Variants in ORC3 observed in about 807,000 individuals in gnomAD.
ORC3 encodes the protein origin recognition complex subunit 3, also known as homolog of latheo, Drosophila.
ORC3 carries 78 observed loss-of-function variants against 100.7 expected under a neutral mutation model. The ratio of observed to expected loss-of-function variants is 0.77; its 90% CI spans 0.65 to 0.94. ORC3 has a LOEUF of 0.94. ORC3 is among the 40% of genes least tolerant of loss of function. The pLI, the probability that ORC3 is intolerant of heterozygous loss-of-function variation, is 0.00. For synonymous variants in ORC3, 295 were observed against 289.3 expected (o/e 1.02, Z -0.20); for missense variants, 789 against 823.9 (o/e 0.96, Z 0.52).
rs753563529 is a variant in ORC3, at chr6:87,663,141, C to T, written c.1830C>T (p.Leu610=). The T allele has an allele frequency of 9.9e-6, 16 of 1,608,704 alleles. No individual in the cohort carries two copies. In the South Asian group the frequency reaches 1.8e-4, roughly 18 times the overall value. The change falls in exon 17 of 20, where the codon CTC becomes CTT. Residue 610 remains leucine (L), a synonymous_variant. Transcript: ENST00000392844. ...HTALNNPYYY[L]KNEALKSEEG... is the part of the protein sequence containing the mutation. ...CACTCAACAATCCTTACTATTATCTCAAGGTAAGATGAACATTTAGTTTTC... is the reference window on the plus strand; with the variant it reads ...CACTCAACAATCCTTACTATTATCTTAAGGTAAGATGAACATTTAGTTTTC...
At chr6:87,613,971 C>G (rs902296416) in intron 8 of ORC3, among the ~76,000 whole-genome samples, 3 of 151,960 alleles carry the variant, frequency 2.0e-5, no homozygotes, top group African/African-American at 7.3e-5. Context: ...GATGGTAGCC[C>G]TTTTCTCACA....
At chr6:87,642,759 G>A (rs1389836783) in intron 13 of ORC3, among the ~76,000 whole-genome samples, 10 of 151,012 alleles carry the variant, frequency 6.6e-5, no homozygotes, top group African/African-American at 2.4e-4. Flanking sequence ...AAAATTAGCC[G>A]GGTGTGGTGG....
intron 11 of ORC3, among the ~76,000 whole-genome samples, chr6:87,624,797 A>C (rs1321624484): frequency 6.6e-6 from 1 of 151,882 alleles, no homozygotes; most frequent in Non-Finnish European, 1.5e-5. Context: ...GCACCCATCA[A>C]CTCGTCATTT....
chr6:87,658,183 C>A (rs762527932), intron 16 of ORC3, among the ~76,000 whole-genome samples, 165 bp downstream of exon 16: 1 of 152,120 alleles, frequency 6.6e-6, no homozygotes, highest in Non-Finnish European at 1.5e-5. Context: ...TTAGGCCAGG[C>A]GTGGTGGCTC....
Position 87,605,963 on chromosome 6 carries a change from G to T in ORC3, c.369G>T (p.Glu123Asp). The change falls in exon 5 of 20, where the codon GAG (glutamate) becomes GAT (aspartate). Residue 123 changes from glutamate (E) to aspartate (D), a missense_variant. Coordinates refer to ENST00000392844, the MANE Select transcript of ORC3 (RefSeq NM_012381.4). ...ATTTGACATTCGGAAGTCTAACAGAGGCCCTTCAGAATAATGTCACACCAT... is the reference window on the plus strand; with the variant it reads ...ATTTGACATTCGGAAGTCTAACAGATGCCCTTCAGAATAATGTCACACCAT... ...DHDLTFGSLT[E>D]ALQNNVTPYV... 2 of 1,611,010 alleles carry T rather than the reference G, an allele frequency of 1.2e-6. No homozygotes were observed. Among genetic ancestry groups the T allele is most frequent in the Non-Finnish European group, 1.7e-6 (2 of 1,177,416 alleles).
chr6:87,653,692 C>T (rs28381514), intron 14 of ORC3, among the ~76,000 whole-genome samples: 197 of 152,324 alleles, frequency 1.3e-3, no homozygotes, highest in African/African-American at 4.0e-3. Flanking sequence ...ACTGCTTTCA[C>T]AGCAGTGAGG....
chr6:87,593,662 ACAT>A (rs906468443), intron 1 of ORC3, among the ~76,000 whole-genome samples: 2 of 152,244 alleles, frequency 1.3e-5, no homozygotes, highest in African/African-American at 4.8e-5. Flanking sequence ...GGTTGGGAGA[ACAT>A]CACTATTTTC....
intron 13 of ORC3, among the ~76,000 whole-genome samples, chr6:87,641,447 G>A (rs1768248668): frequency 1.3e-5 from 2 of 152,136 alleles, no homozygotes; most frequent in South Asian, 2.1e-4. Flanking sequence ...TGTTCAGAGT[G>A]TATCCAAAAT....
At chr6:87,614,539 A>G (rs1402217859) in intron 8 of ORC3, among the ~76,000 whole-genome samples, 1 of 152,172 alleles carries the variant, frequency 6.6e-6, no homozygotes, top group Admixed American at 6.5e-5. Context: ...TCAGGCTGCA[A>G]ATTTTCCAAA....
rs28381525 is a variant in ORC3 at position 87,659,149 on chromosome 6, C to T, written c.1691+1131C>T. 9.8e-3 allele frequency among the ~76,000 whole-genome samples: 1,477 copies of T among 150,722 alleles called. 23 individuals carry two copies. The highest frequency in any genetic ancestry group is 0.033 in the African/African-American group (1,352 of 40,918). On this transcript the variant is annotated intron_variant, in intron 16 of 19. Transcript: ENST00000392844. ...TGTGATCTTGGCTGACTGCAACCTC[C>T]GCCTCCCGGGTTCAAGGGATTTTCC...
intron 11 of ORC3, among the ~76,000 whole-genome samples, chr6:87,631,158 G>A (rs997402065): frequency 6.6e-6 from 1 of 151,730 alleles, no homozygotes; most frequent in African/African-American, 2.4e-5. Flanking sequence ...CAAAGTGCTG[G>A]GATTATGGGC....
chr6:87,613,642 C>T (rs1778944348), intron 8 of ORC3, among the ~76,000 whole-genome samples: 1 of 152,214 alleles, frequency 6.6e-6, no homozygotes, highest in African/African-American at 2.4e-5. Context: ...AATGGGGGTA[C>T]AGGCATTGGG....
At chr6:87,660,152 T>G (rs1212000055) in intron 16 of ORC3, among the ~76,000 whole-genome samples, 3 of 152,228 alleles carry the variant, frequency 2.0e-5, no homozygotes, top group Admixed American at 6.5e-5. Context: ...ATCAGCCGTT[T>G]CCCTGTCATG....
downstream of ORC3, among the ~76,000 whole-genome samples, chr6:87,670,912 A>G (rs1278052179): frequency 2.0e-5 from 3 of 152,212 alleles, no homozygotes; most frequent in African/African-American, 7.2e-5. Context: ...CAAAAAGTCA[A>G]AAGTGGTGAA....
chr6:87,602,428 C>T (rs186402919), intron 3 of ORC3, among the ~76,000 whole-genome samples: 1 of 151,630 alleles, frequency 6.6e-6, no homozygotes, highest in African/African-American at 2.4e-5. Context: ...TTCACTATAG[C>T]AAATTGGTAG....
chr6:87,656,325 T>C (rs1452328172), intron 14 of ORC3, among the ~76,000 whole-genome samples: 1 of 152,208 alleles, frequency 6.6e-6, no homozygotes, highest in Non-Finnish European at 1.5e-5. Flanking sequence ...TGGTGGCTCG[T>C]GCCTGTAATC....
At chr6:87,653,584 T>C (rs1769442650) in intron 14 of ORC3, among the ~76,000 whole-genome samples, 2 of 152,318 alleles carry the variant, frequency 1.3e-5, no homozygotes, top group East Asian at 3.9e-4. Context: ...TTAAGAACTC[T>C]TTTTAGAGGT....
At chr6:87,674,753 C>T in the ORC3 span, among the ~76,000 whole-genome samples, 2 of 150,754 alleles carry the variant, frequency 1.3e-5, no homozygotes, top group African/African-American at 4.9e-5. Context: ...GGATTACAGG[C>T]ATGAGCCACC....
At chr6:87,613,988 C>T (rs1003299552) in intron 8 of ORC3, among the ~76,000 whole-genome samples, 5 of 152,230 alleles carry the variant, frequency 3.3e-5, no homozygotes, top group African/African-American at 1.2e-4. Context: ...CACAGCTCCA[C>T]TAGGCAGTGC....
Sources: gnomAD v4.1 joint callset for allele counts (sites outside exome capture counted in the v4.1 genomes callset) on GRCh38, gnomAD v4.1.1 for gene constraint, MANE v1.5 for transcripts, NCBI Gene and HGNC (gene_info 2026-07-23, HGNC 2026-07-21) for gene names.